Variants in PDE4D observed in about 807,000 individuals in gnomAD.
The protein encoded by PDE4D is phosphodiesterase 4D.
Under a neutral mutation model 87.4 loss-of-function variants are expected in PDE4D, and 24 were observed. The ratio of observed to expected loss-of-function variants is 0.27; its 90% CI spans 0.20 to 0.39. PDE4D has a LOEUF of 0.39. Ranked by LOEUF, PDE4D falls within the 10% of genes least tolerant of loss-of-function variation. PDE4D has a pLI of 1.00. For synonymous variants in PDE4D, 384 were observed against 383.2 expected, an observed-to-expected ratio of 1.00 and a Z score of -0.02; for missense variants, 714 against 1,041.0, an observed-to-expected ratio of 0.69 and a Z score of 4.32.
intron 2 of PDE4D, among the ~76,000 whole-genome samples, chr5:59,200,797 A>T (rs1561693424): frequency 6.6e-6 from 1 of 151,772 alleles, no homozygotes; most frequent in Non-Finnish European, 1.5e-5. Context: ...GATATAGAAC[A>T]ACTTAAAGAA....
At chr5:59,988,667 G>A (rs375580342) in exon 3 of PDE4D, 114 of 1,598,966 alleles carry the variant, frequency 7.1e-5, no homozygotes, top group South Asian at 4.7e-4. Context: ...GTTCCATTCC[G>A]CGGAAAGGGT....
At chr5:59,749,765 A>T (rs1418563746) in intron 1 of PDE4D, among the ~76,000 whole-genome samples, 4 of 151,942 alleles carry the variant, frequency 2.6e-5, no homozygotes, top group Non-Finnish European at 4.4e-5. Context: ...CATTTTAATA[A>T]CTCTCAAGTG....
rs77017403 is a variant in PDE4D, at chr5:59,301,574, A to C, written c.456-85606T>G. 7.7e-3 allele frequency among the ~76,000 whole-genome samples: 1,174 copies of C among 152,230 alleles called. 9 individuals carry two copies. Among genetic ancestry groups the C allele is most frequent in the Middle Eastern group, 0.024 (7 of 294 alleles). On this transcript the variant is annotated intron_variant, in intron 1 of 14. Coordinates refer to ENST00000340635, the MANE Select transcript of PDE4D (RefSeq NM_001104631.2). ...GTTTGAAGAAAGAAGTGCGCTGTGAAATGGGAAGGCAGGGGTGGGCAAAGA... is the reference window on the plus strand; with the variant it reads ...GTTTGAAGAAAGAAGTGCGCTGTGACATGGGAAGGCAGGGGTGGGCAAAGA...
chr5:60,467,579 C>T (rs1372817012), intron 1 of PDE4D, among the ~76,000 whole-genome samples: 2 of 152,182 alleles, frequency 1.3e-5, no homozygotes, highest in African/African-American at 4.8e-5. Flanking sequence ...CATGCTTACA[C>T]TGGCCCAATC....
rs966744039 is a variant in PDE4D, at chr5:58,970,034, T to A, written c.*4630A>T. 6 of 152,164 alleles carry A rather than the reference T, an allele frequency of 3.9e-5. No homozygotes were observed. Among genetic ancestry groups the A allele is most frequent in the Non-Finnish European group, 8.8e-5 (6 of 68,002 alleles). 9.4% of individuals were successfully genotyped at this position (152,164 alleles called of 1,614,324 possible). On this transcript the variant is annotated 3_prime_UTR_variant, in exon 15 of 15. Coordinates refer to ENST00000340635, the MANE Select transcript of PDE4D (RefSeq NM_001104631.2). ...ATGCTGATTGAACTATAATTTAAAA[T>A]GAATAATCTTTTATTTGTAAAAGAT...
intron 2 of PDE4D, among the ~76,000 whole-genome samples, chr5:60,173,811 G>T (rs1394234057): frequency 1.3e-5 from 2 of 152,026 alleles, no homozygotes; most frequent in Non-Finnish European, 1.5e-5. Flanking sequence ...AAAAAATAAG[G>T]TGATCCCCAG....
intron 1 of PDE4D, among the ~76,000 whole-genome samples, chr5:59,515,493 G>A (rs1274793873): frequency 1.3e-5 from 2 of 151,814 alleles, no homozygotes; most frequent in Admixed American, 1.3e-4. Context: ...AAATTGGAAT[G>A]GAAGAAACAA....
intron 1 of PDE4D, among the ~76,000 whole-genome samples, chr5:59,518,860 T>G (rs1424225153): frequency 3.3e-5 from 5 of 152,210 alleles, no homozygotes; most frequent in Non-Finnish European, 7.3e-5. Flanking sequence ...ATATCACAAC[T>G]ATAAATGGAA....
At chr5:60,229,588 C>G (rs1204005236) in intron 1 of PDE4D, among the ~76,000 whole-genome samples, 2 of 152,084 alleles carry the variant, frequency 1.3e-5, no homozygotes, top group Non-Finnish European at 2.9e-5. Context: ...CTCCTGAGTT[C>G]TGAAGGATGG....
intron 1 of PDE4D, among the ~76,000 whole-genome samples, chr5:60,420,863 C>A (rs1482294591): frequency 6.6e-6 from 1 of 152,240 alleles, no homozygotes; most frequent in African/African-American, 2.4e-5. Flanking sequence ...TCTTAGCAAC[C>A]AGCAGACCAG....
At chr5:60,119,282 C>A (rs1019284945) in intron 2 of PDE4D, among the ~76,000 whole-genome samples, 1 of 152,142 alleles carries the variant, frequency 6.6e-6, no homozygotes, top group African/African-American at 2.4e-5. Flanking sequence ...TAATAGTTTA[C>A]AATTTGACTG....
rs906071994 is a variant in PDE4D at position 60,301,066 on chromosome 5, G to A, written c.-89-115379C>T. Among the ~76,000 whole-genome samples, 2 of 152,178 alleles carry A rather than the reference G, an allele frequency of 1.3e-5. 1 individual carries two copies. The highest frequency in any genetic ancestry group is 1.3e-4 in the Admixed American group (2 of 15,282). ...TTACAGGCGTGAGCCAATGCGCCCAGCCTTCTGTGTCTGTTCTTATACCAA... is the reference window on the plus strand; with the variant it reads ...TTACAGGCGTGAGCCAATGCGCCCAACCTTCTGTGTCTGTTCTTATACCAA... On this transcript the variant is annotated intron_variant, in intron 1 of 16. Transcript: ENST00000502484.
intron 1 of PDE4D, among the ~76,000 whole-genome samples, chr5:59,576,943 C>T (rs146196780): frequency 6.8e-4 from 104 of 152,300 alleles, no homozygotes; most frequent in Middle Eastern, 3.4e-3. Flanking sequence ...CTCAATACCA[C>T]TACGGTTTTC....
Position 59,446,051 on chromosome 5 carries a change from G to C in PDE4D, c.456-230083C>G, listed in dbSNP as rs114825331. On this transcript the variant is annotated intron_variant, in intron 1 of 14. Coordinates refer to ENST00000340635, the MANE Select transcript of PDE4D (RefSeq NM_001104631.2). ...CAGTTTTGGCTTCTGATATAACAGA[G>C]GCAATTGTTTAAGAAAGCGTAATGT... Among the ~76,000 whole-genome samples the C allele has an allele frequency of 5.2e-3, 784 of 152,126 alleles. 11 individuals are homozygous for C. The highest frequency in any genetic ancestry group is 0.017 in the African/African-American group (701 of 41,512).
chr5:60,145,216 C>A (rs1562148165), intron 2 of PDE4D, among the ~76,000 whole-genome samples: 1 of 152,060 alleles, frequency 6.6e-6, no homozygotes, highest in Non-Finnish European at 1.5e-5. Context: ...CACTATAATT[C>A]TTGGTTTAAA....
At chr5:60,416,615 A>G (rs1007713357) in intron 1 of PDE4D, among the ~76,000 whole-genome samples, 1 of 152,186 alleles carries the variant, frequency 6.6e-6, no homozygotes, top group African/African-American at 2.4e-5. Context: ...ACATCCGAAC[A>G]TCAGAAGGAA....
chr5:60,148,502 G>GT (rs1465635366), intron 2 of PDE4D, among the ~76,000 whole-genome samples: 2 of 152,106 alleles, frequency 1.3e-5, no homozygotes, highest in Non-Finnish European at 2.9e-5. Context: ...AGCATCCACT[G>GT]GGTTTTGTAT....
intron 1 of PDE4D, among the ~76,000 whole-genome samples, chr5:59,515,126 G>A (rs1001857449): frequency 7.2e-5 from 11 of 152,134 alleles, no homozygotes; most frequent in Non-Finnish European, 1.3e-4. Flanking sequence ...AACCATTCAC[G>A]ATAAAAATGT....
At chr5:59,899,624 GA>G (rs1752021258) in intron 3 of PDE4D, among the ~76,000 whole-genome samples, 1 of 152,066 alleles carries the variant, frequency 6.6e-6, no homozygotes, top group Non-Finnish European at 1.5e-5. Flanking sequence ...AGCAAATTAA[GA>G]AGTTGGAGTG....
Sources: gnomAD v4.1 joint callset for allele counts (sites outside exome capture counted in the v4.1 genomes callset) on GRCh38, gnomAD v4.1.1 for gene constraint, MANE v1.5 for transcripts, NCBI Gene and HGNC (gene_info 2026-07-23, HGNC 2026-07-21) for gene names.